The following ZNF793 variants were observed in gnomAD, a reference collection of about 807,000 sequenced individuals.
The protein encoded by ZNF793 is zinc finger protein 793.
Under a neutral mutation model 12.4 loss-of-function variants are expected in ZNF793, and 5 were observed. The ratio of observed to expected loss-of-function variants is 0.40; its 90% confidence interval spans 0.21 to 0.84. ZNF793 has a LOEUF of 0.84. Ranked by LOEUF, ZNF793 falls within the 40% of genes least tolerant of loss-of-function variation. The probability of loss-of-function intolerance (pLI) is 0.35; values close to 1 mark genes in which losing one functional copy is unlikely to be tolerated. For synonymous variants in ZNF793, 162 were observed against 172.4 expected (o/e 0.94, Z 0.47); for missense variants, 456 against 495.0 (o/e 0.92, Z 0.75).
chr19:37,538,131 G>T lies in ZNF793; in HGVS notation c.*252G>T. 1 of 358,786 alleles carries T rather than the reference G, an allele frequency of 2.8e-6. No individual in the cohort carries two copies. The highest frequency in any genetic ancestry group is 3.6e-5 in the South Asian group (1 of 27,864). 22.2% of individuals were successfully genotyped at this position (358,786 alleles called of 1,614,324 possible). On this transcript the variant is annotated 3_prime_UTR_variant, in exon 8 of 8. Coordinates refer to ENST00000627814, the MANE Select transcript of ZNF793 (RefSeq NM_001013659.3). ...GGGGTTTCACCGTGTTAGCCAGGAT[G>T]GTCTCGATCTCCTGACCTTGTGATC...
chr19:37,521,233 C>T (rs1019185605), intron 3 of ZNF793, among the ~76,000 whole-genome samples: 30 of 151,998 alleles, frequency 2.0e-4, no homozygotes, highest in Middle Eastern at 3.2e-3. Context: ...GTGATCTGCC[C>T]GCCTCGGCCT....
chr19:37,524,242 C>T (rs775581434), intron 5 of ZNF793, among the ~76,000 whole-genome samples: 14 of 151,558 alleles, frequency 9.2e-5, no homozygotes, highest in Non-Finnish European at 2.1e-4. Context: ...TATGTAGATA[C>T]AGTGGCAAGA....
At chr19:37,515,063 A>G (rs950027508) in intron 2 of ZNF793, among the ~76,000 whole-genome samples, 5 of 152,218 alleles carry the variant, frequency 3.3e-5, no homozygotes, top group African/African-American at 1.2e-4. Flanking sequence ...TTCCCATTCA[A>G]GTGAACACCC....
chr19:37,512,115 A>G (rs1481808590), intron 2 of ZNF793, among the ~76,000 whole-genome samples: 1 of 152,204 alleles, frequency 6.6e-6, no homozygotes, highest in African/African-American at 2.4e-5. Flanking sequence ...AATATGGGAA[A>G]GCAGCTAACC....
Position 37,523,391 on chromosome 19 carries a change from TC to T in ZNF793, c.-30-13del. 1 of 1,598,602 alleles carries T rather than the reference TC, an allele frequency of 6.3e-7. No individual in the cohort carries two copies. The highest frequency in any genetic ancestry group is 8.6e-7 in the Non-Finnish European group (1 of 1,166,380). On this transcript the variant is annotated intron_variant, in intron 4 of 7. Transcript: ENST00000627814. The stretch of plus-strand genomic sequence containing the variant: ...TCTGTTCTCTCTTTCTCCATCTTCT[TC>T]CCCCCACATGTCTACAGGTGTCAGA...
intron 7 of ZNF793, chr19:37,536,089 T>A (rs540118251): frequency 1.1e-5 from 2 of 189,518 alleles, no homozygotes; most frequent in South Asian, 3.9e-4. Context: ...AAAATGTAAT[T>A]TCTTTTCTAT....
At chr19:37,522,923 T>C (rs2042386476) in intron 4 of ZNF793, among the ~76,000 whole-genome samples, 1 of 152,250 alleles carries the variant, frequency 6.6e-6, no homozygotes, top group Admixed American at 6.5e-5. Context: ...ATTTAGATAC[T>C]ATGGCAACCA....
At position 37,537,592 on chromosome 19, in the gene ZNF793, G is replaced by A. The variant is rs373213372; in HGVS notation, c.934G>A (p.Val312Ile). Reference sequence around the variant, plus strand: ...AACACACACAGGAGAGAGACCCTTTGTCTGCAGTGAATGCGGGAAATCGTT... The same window carrying A: ...AACACACACAGGAGAGAGACCCTTTATCTGCAGTGAATGCGGGAAATCGTT... ...QRTHTGERPF[V>I]CSECGKSFGE... is the part of the protein sequence containing the mutation. The change falls in exon 8 of 8, where the codon GTC becomes ATC. Residue 312 changes from valine (V) to isoleucine (I), a missense_variant. Coordinates refer to ENST00000627814, the MANE Select transcript of ZNF793 (RefSeq NM_001013659.3). 4.8e-5 allele frequency: 78 copies of A among 1,614,058 alleles called. 1 individual carries two copies. Among genetic ancestry groups the A allele is most frequent in the Non-Finnish European group, 3.8e-5 (45 of 1,180,038 alleles).
At position 37,539,472 on chromosome 19, in the gene ZNF793, C is replaced by T. The variant is rs1354220546; in HGVS notation, c.*1593C>T. On this transcript the variant is annotated 3_prime_UTR_variant, in exon 8 of 8. Transcript: ENST00000627814. ...TTGCAAGTGTCCTAGACACTAAATC[C>T]CAAGGTTTTAATTATTTCAATGTTT... 1 of 152,016 alleles carries T rather than the reference C, an allele frequency of 6.6e-6. No individual in the cohort carries two copies. Among genetic ancestry groups the T allele is most frequent in the Non-Finnish European group, 1.5e-5 (1 of 67,994 alleles). 9.4% of individuals were successfully genotyped at this position (152,016 alleles called of 1,614,324 possible).
Position 37,537,551 on chromosome 19 carries a change from G to A in ZNF793, c.893G>A (p.Arg298His), listed in dbSNP as rs751784572. 5.2e-5 allele frequency: 84 copies of A among 1,613,932 alleles called. No individual in the cohort carries two copies. The highest frequency in any genetic ancestry group is 1.8e-4 in the South Asian group (16 of 91,070). ...CGKAFTQKSH[R>H]TEHQRTHTGE... is the part of the protein sequence containing the mutation. ...AAAGCCTTTACCCAGAAGTCACACC[G>A]CACAGAACATCAGAGAACACACACA... Residue 298 changes from arginine to histidine, a missense_variant, in exon 8 of 8, where the codon CGC becomes CAC. Transcript: ENST00000627814.
chr19:37,510,697 CT>C (rs1568784460), intron 2 of ZNF793, among the ~76,000 whole-genome samples: 2 of 148,760 alleles, frequency 1.3e-5, no homozygotes, highest in African/African-American at 4.9e-5. Context: ...AAAAAAAATT[CT>C]TTTCTTTTTT....
Position 37,540,043 on chromosome 19 carries a change from G to T in ZNF793, c.*2164G>T, listed in dbSNP as rs1568329156. On this transcript the variant is annotated 3_prime_UTR_variant, in exon 8 of 8. Coordinates refer to ENST00000627814, the MANE Select transcript of ZNF793 (RefSeq NM_001013659.3). The stretch of plus-strand genomic sequence containing the variant: ...CACGCCTGTAATCCCAACACTTTGG[G>T]AGGCCGAGGCAGGTGGATCATGAGG... 1 of 152,050 alleles carries T rather than the reference G, an allele frequency of 6.6e-6. No homozygotes were observed. Among genetic ancestry groups the T allele is most frequent in the Non-Finnish European group, 1.5e-5 (1 of 68,004 alleles). The allele number at this position is 152,050 out of a possible 1,614,324, so 9.4% of individuals were successfully genotyped here.
In ZNF793 at chr19:37,537,721, A is replaced by G. The variant is rs2042519406; in HGVS notation, c.1063A>G (p.Asn355Asp). Reference sequence around the variant, plus strand: ...ATCCTTCAGCCAGAAGTCATGCCTCAATAAACATTGGAGAACTCACACAGG... The same window carrying G: ...ATCCTTCAGCCAGAAGTCATGCCTCGATAAACATTGGAGAACTCACACAGG... ...GKSFSQKSCL[N>D]KHWRTHTGEK... The change falls in exon 8 of 8, where the codon AAT (asparagine) becomes GAT (aspartate). Residue 355 changes from asparagine to aspartate, a missense_variant. Physicochemically the swap from Asn to Asp is conservative, Grantham distance 23. Coordinates refer to ENST00000627814, the MANE Select transcript of ZNF793 (RefSeq NM_001013659.3). 1 of 1,614,106 alleles carries G rather than the reference A, an allele frequency of 6.2e-7. No homozygotes were observed. Among genetic ancestry groups the G allele is most frequent in the Non-Finnish European group, 8.5e-7 (1 of 1,179,972 alleles).
At chr19:37,517,389 G>A (rs978658569) in intron 2 of ZNF793, among the ~76,000 whole-genome samples, 7 of 150,170 alleles carry the variant, frequency 4.7e-5, no homozygotes, top group African/African-American at 1.7e-4. Context: ...CCAGGAGGTA[G>A]AGGCTGCAGT....
chr19:37,519,026 C>T (rs1600409117), intron 2 of ZNF793, among the ~76,000 whole-genome samples: 1 of 151,884 alleles, frequency 6.6e-6, no homozygotes, highest in Non-Finnish European at 1.5e-5. Flanking sequence ...CAGCACTTTC[C>T]GAGGCCGAGG....
chr19:37,523,499 T>C, intron 5 of ZNF793, 45 bp downstream of exon 5: 1 of 1,593,552 alleles, frequency 6.3e-7, no homozygotes, highest in East Asian at 2.2e-5. Context: ...CTGGGGAAAC[T>C]GTCCTAGAGG....
intron 1 of ZNF793, among the ~76,000 whole-genome samples, chr19:37,507,523 G>A (rs893142996): frequency 6.6e-6 from 1 of 152,174 alleles, no homozygotes; most frequent in East Asian, 1.9e-4. Context: ...TTGGAGAAAT[G>A]TTTTGGGCCA....
Position 37,542,530 on chromosome 19 carries a change from G to A in ZNF793, c.*4651G>A. On this transcript the variant is annotated 3_prime_UTR_variant, in exon 8 of 8. Transcript: ENST00000627814. ...AACATGGACATTTATTGTAAAAATT[G>A]TTCTTAATGGCAAAAAAACCCCCAA... is the stretch of plus-strand genomic sequence containing the variant. The A allele has an allele frequency of 2.9e-6, 1 of 347,288 alleles. No homozygotes were observed. Among genetic ancestry groups the A allele is most frequent in the South Asian group, 2.3e-5 (1 of 44,268 alleles). 21.5% of individuals were successfully genotyped at this position (347,288 alleles called of 1,614,324 possible). A position where few individuals can be genotyped will look rare whatever the true frequency, so the allele number is the denominator to read the frequency against.
chr19:37,526,315 A>G (rs536200809), intron 5 of ZNF793, among the ~76,000 whole-genome samples: 56 of 152,034 alleles, frequency 3.7e-4, no homozygotes, highest in African/African-American at 1.3e-3. Flanking sequence ...ATCTTACTAT[A>G]TTACCCAGGC....
Sources: allele counts gnomAD v4.1 joint callset (sites outside exome capture counted in the v4.1 genomes callset), GRCh38; gene constraint gnomAD v4.1.1; transcripts MANE v1.5; gene names NCBI Gene and HGNC (gene_info 2026-07-23, HGNC 2026-07-21).